Variants in KIAA1328 observed in about 807,000 individuals in gnomAD.
KIAA1328 encodes the protein protein hinderin.
Under a neutral mutation model 68.1 loss-of-function variants are expected in KIAA1328, and 52 were observed. The observed-to-expected ratio is 0.76, with a 90% CI of 0.61 to 0.96. The LOEUF is 0.96. Among genes scored for constraint, KIAA1328 ranks in the 40% least tolerant of loss-of-function variants. The pLI is 0.00. For synonymous variants in KIAA1328, 232 were observed against 239.4 expected (o/e 0.97, Z 0.28); for missense variants, 641 against 677.6 (o/e 0.95, Z 0.60).
At chr18:37,000,216 TCAGATAAAA>T (rs2053538439) in intron 6 of KIAA1328, among the ~76,000 whole-genome samples, 1 of 152,092 alleles carries the variant, frequency 6.6e-6, no homozygotes, top group African/African-American at 2.4e-5. Context: ...TATACTTGTA[TCAGATAAAA>T]CAGACGTTAA....
chr18:36,844,825 G>A (rs1319619840), intron 4 of KIAA1328, among the ~76,000 whole-genome samples: 1 of 151,672 alleles, frequency 6.6e-6, no homozygotes, highest in African/African-American at 2.4e-5. Context: ...TAATTTCTTT[G>A]TCAAATATAC....
intron 6 of KIAA1328, among the ~76,000 whole-genome samples, chr18:37,001,354 G>T (rs911745019): frequency 6.6e-6 from 1 of 152,038 alleles, no homozygotes; most frequent in Non-Finnish European, 1.5e-5. Flanking sequence ...GACTTATAAT[G>T]TTGAGCAAGA....
intron 5 of KIAA1328, among the ~76,000 whole-genome samples, chr18:36,890,305 A>G (rs2048640327): frequency 6.6e-6 from 1 of 151,878 alleles, no homozygotes; most frequent in African/African-American, 2.4e-5. Flanking sequence ...ATCCAAATCA[A>G]TGATATTATC....
chr18:36,930,598 A>G (rs1007574981), intron 5 of KIAA1328, among the ~76,000 whole-genome samples: 1 of 152,096 alleles, frequency 6.6e-6, no homozygotes, highest in Non-Finnish European at 1.5e-5. Flanking sequence ...ACATGAATGG[A>G]TAGGAGTATA....
chr18:37,167,534 G>A (rs1469882389), intron 8 of KIAA1328, among the ~76,000 whole-genome samples: 1 of 152,084 alleles, frequency 6.6e-6, no homozygotes, highest in Non-Finnish European at 1.5e-5. Context: ...AACCGCTTTG[G>A]CCAAATTCCC....
chr18:37,115,244 A>G (rs751227627), intron 7 of KIAA1328, among the ~76,000 whole-genome samples: 10 of 152,204 alleles, frequency 6.6e-5, no homozygotes, highest in Non-Finnish European at 1.2e-4. Context: ...TCCCTGAAGA[A>G]CATCGATGCA....
At chr18:37,170,946 G>A (rs558386931) in intron 8 of KIAA1328, among the ~76,000 whole-genome samples, 1 of 152,262 alleles carries the variant, frequency 6.6e-6, no homozygotes, top group South Asian at 2.1e-4. Context: ...CTACAAATGG[G>A]CAAGAGGGAA....
intron 6 of KIAA1328, among the ~76,000 whole-genome samples, chr18:36,991,817 T>C (rs2053190435): frequency 6.6e-6 from 1 of 152,214 alleles, no homozygotes; most frequent in Admixed American, 6.5e-5. Context: ...GTAGCTAGAC[T>C]TCTTACCCAG....
At chr18:36,971,703 T>C (rs977727017) in intron 6 of KIAA1328, among the ~76,000 whole-genome samples, 2 of 152,152 alleles carry the variant, frequency 1.3e-5, no homozygotes, top group Non-Finnish European at 2.9e-5. Flanking sequence ...AAGAACGAGA[T>C]CATGTTCTTT....
Position 36,953,216 on chromosome 18 carries a change from CAT to C in KIAA1328, c.449-6090_449-6089del, listed in dbSNP as rs1395617614. ...ATATGCATATATAATTGTATATAAA[CAT>C]AATTATTAAATTATTATATTTATAA... On this transcript the variant is annotated intron_variant, in intron 5 of 9. Transcript: ENST00000280020. Among the ~76,000 whole-genome samples, 3 of 146,226 alleles carry C rather than the reference CAT, an allele frequency of 2.1e-5. No individual in the cohort carries two copies. The Admixed American group carries it at 2.1e-4, about 10-fold the overall frequency.
chr18:37,022,156 A>T lies in KIAA1328; in HGVS notation c.577-44734A>T, dbSNP rs1446947994. Reference sequence around the variant, plus strand: ...CCTTAGCATGTGCCTCATTGAAATTAAAGTGGGAGAGGATTTTAAGAAAGG... The same window carrying T: ...CCTTAGCATGTGCCTCATTGAAATTTAAGTGGGAGAGGATTTTAAGAAAGG... On this transcript the variant is annotated intron_variant, in intron 6 of 9. Transcript: ENST00000280020. Among the ~76,000 whole-genome samples, 5 of 152,282 alleles carry T rather than the reference A, an allele frequency of 3.3e-5. No individual in the cohort carries two copies. The East Asian group carries it at 9.6e-4, about 29-fold the overall frequency.
chr18:36,854,070 G>T (rs1428875659), intron 4 of KIAA1328, among the ~76,000 whole-genome samples: 4 of 152,178 alleles, frequency 2.6e-5, no homozygotes, highest in Non-Finnish European at 5.9e-5. Flanking sequence ...CTTAAAAGTG[G>T]TTATTAAGGT....
At chr18:37,017,111 C>A (rs1035157502) in intron 6 of KIAA1328, among the ~76,000 whole-genome samples, 2 of 152,020 alleles carry the variant, frequency 1.3e-5, no homozygotes, top group African/African-American at 4.8e-5. Context: ...CGACTTTAAA[C>A]TTTTCTCTTA....
At chr18:36,834,505 T>G (rs1363245961) in intron 2 of KIAA1328, 150 bp downstream of exon 2, 1 of 588,212 alleles carries the variant, frequency 1.7e-6, no homozygotes, top group Non-Finnish European at 2.6e-6. Context: ...TGAATATTTG[T>G]CATAACCCTA....
At chr18:37,065,289 AGT>A (rs1421548604) in intron 6 of KIAA1328, among the ~76,000 whole-genome samples, 2 of 152,170 alleles carry the variant, frequency 1.3e-5, no homozygotes, top group Non-Finnish European at 2.9e-5. Flanking sequence ...GGGAAGAGGA[AGT>A]GTTAGTGGAA....
Position 36,844,279 on chromosome 18 carries a change from A to T in KIAA1328, c.309A>T (p.Ala103=), listed in dbSNP as rs762919678. ...GTCTTGAAGACAAAAGACGCATTGC[A>T]AACTTAATTAAAGAACTGGCCAGGT... The part of the protein sequence containing the change: ...DLCLEDKRRI[A]NLIKELARVS... The change falls in exon 4 of 10, where the codon GCA becomes GCT. Residue 103 remains alanine (A), a synonymous_variant. Coordinates refer to ENST00000280020, the MANE Select transcript of KIAA1328 (RefSeq NM_020776.3). The T allele has an allele frequency of 1.2e-6, 2 of 1,604,074 alleles. No homozygotes were observed. Among genetic ancestry groups the T allele is most frequent in the East Asian group, 4.5e-5 (2 of 44,636 alleles).
rs2059529979 is a variant in KIAA1328 at position 37,172,986 on chromosome 18, A to T, written c.1428A>T (p.Gly476=). The change falls in exon 9 of 10, where the codon GGA becomes GGT. Residue 476 remains glycine, a synonymous_variant. Coordinates refer to ENST00000280020, the MANE Select transcript of KIAA1328 (RefSeq NM_020776.3). ...TTTTTCATATAGGGACAGTGACAGG[A>T]GTTAGAAAAGATGCGTCTACATCTC... ...TCRPQRGTVT[G]VRKDASTSPM... is the part of the protein sequence containing the mutation. 1 of 1,611,890 alleles carries T rather than the reference A, an allele frequency of 6.2e-7. No individual in the cohort carries two copies. Among genetic ancestry groups the T allele is most frequent in the South Asian group, 1.1e-5 (1 of 90,736 alleles).
At chr18:36,926,383 C>CTATT (rs72299711) in intron 5 of KIAA1328, among the ~76,000 whole-genome samples, 3,567 of 147,098 alleles carry the variant, frequency 0.024, 129 homozygotes, top group African/African-American at 0.078. Context: ...CTCTCTCTCT[C>CTATT]TATTTATTTA....
intron 6 of KIAA1328, among the ~76,000 whole-genome samples, chr18:37,022,786 T>G (rs1303046437): frequency 6.6e-6 from 1 of 152,220 alleles, no homozygotes. Context: ...GGTTTTGCTC[T>G]CATTAAATTG....
Sources: allele counts gnomAD v4.1 joint callset (sites outside exome capture counted in the v4.1 genomes callset), GRCh38; gene constraint gnomAD v4.1.1; transcripts MANE v1.5; gene names NCBI Gene and HGNC (gene_info 2026-07-23, HGNC 2026-07-21).